The following EDC4 variants were observed in gnomAD, a reference collection of about 807,000 sequenced individuals.
The protein encoded by EDC4 is enhancer of mRNA decapping 4.
EDC4 carries 64 observed loss-of-function variants against 155.8 expected under a neutral mutation model. That is an observed-to-expected ratio of 0.41 (90% CI 0.34 to 0.51). The LOEUF (loss-of-function observed/expected upper bound fraction) is 0.51, where lower values mean the gene tolerates loss of function less well. Ranked by LOEUF, EDC4 falls within the 20% of genes least tolerant of loss-of-function variation. The probability of loss-of-function intolerance (pLI) is 0.19; values close to 1 mark genes in which losing one functional copy is unlikely to be tolerated. For missense variants in EDC4, 1,303 were observed against 1,812.5 expected (o/e 0.72, Z 5.10); for synonymous variants, 684 against 716.8 (o/e 0.95, Z 0.73).
Position 67,878,426 on chromosome 16 carries a change from T to A in EDC4, c.1071T>A (p.His357Gln), listed in dbSNP as rs1383413451. 1 of 1,614,128 alleles carries A rather than the reference T, an allele frequency of 6.2e-7. No homozygotes were observed. The highest frequency in any genetic ancestry group is 8.5e-7 in the Non-Finnish European group (1 of 1,179,996). The change falls in exon 9 of 29, where the codon CAT (histidine) becomes CAA (glutamine). Residue 357 changes from histidine to glutamine, a missense_variant. Around this residue, in one of 5 missense-constraint regions of EDC4, gnomAD observed 235 missense variants for 367.7 expected, o/e 0.64. Transcript: ENST00000358933. This position sits in a 1 kb window ranked among gnomAD's most constrained non-coding sequence, Gnocchi z 5.2. ...PLSCLLFCDNHKKQDPDVPFW... is the reference protein window; with the variant it reads ...PLSCLLFCDNQKKQDPDVPFW... The stretch of plus-strand genomic sequence containing the variant: ...CCTGCCTCCTGTTCTGTGACAACCA[T>A]AAGAAACAAGACCCTGAGTGAGTGA...
Position 67,877,058 on chromosome 16 carries a change from G to A in EDC4, c.451+86G>A, listed in dbSNP as rs772845803. 5.1e-6 allele frequency: 8 copies of A among 1,569,198 alleles called. No individual in the cohort carries two copies. Among genetic ancestry groups the A allele is most frequent in the East Asian group, 2.2e-5 (1 of 44,544 alleles). The stretch of plus-strand genomic sequence containing the variant: ...AACATCAGGCCACTCAGGCCTTAGG[G>A]GTACAATGGAAGGTTTGTCCATGCT... On this transcript the variant is annotated intron_variant, in intron 4 of 28. Transcript: ENST00000358933. This position sits in a 1 kb window ranked among gnomAD's most constrained non-coding sequence, Gnocchi z 4.9.
rs755423533 is a variant in EDC4 at position 67,878,337 on chromosome 16, G to A, written c.1005-23G>A. ...GTAGCCCACCCGACCACTCACTCAG[G>A]CCCCTCATCTGCCTACCTGCAGGTG... On this transcript the variant is annotated intron_variant, in intron 8 of 28. Coordinates refer to ENST00000358933, the MANE Select transcript of EDC4 (RefSeq NM_014329.5). The surrounding 1 kb of genome is among the most constrained non-coding windows in gnomAD (Gnocchi z 5.2). 3.1e-6 allele frequency: 5 copies of A among 1,614,202 alleles called. No individual in the cohort carries two copies. The South Asian group carries it at 5.5e-5, about 18-fold the overall frequency.
At position 67,880,501 on chromosome 16, in the gene EDC4, C is replaced by G. The variant is rs2058062334; in HGVS notation, c.2098-56C>G. ...TAATACTAATGCCTCGTCTCTGTGC[C>G]CCCCATCTCTGCCTCACTTCCTGTC... On this transcript the variant is annotated intron_variant, in intron 17 of 28. Coordinates refer to ENST00000358933, the MANE Select transcript of EDC4 (RefSeq NM_014329.5). This position sits in a 1 kb window ranked among gnomAD's most constrained non-coding sequence, Gnocchi z 5.2. The G allele has an allele frequency of 1.6e-5, 26 of 1,583,810 alleles. No homozygotes were observed. Among genetic ancestry groups the G allele is most frequent in the Non-Finnish European group, 2.2e-5 (26 of 1,161,254 alleles).
Position 67,882,145 on chromosome 16 carries a change from A to G in EDC4, c.3160+36A>G. On this transcript the variant is annotated intron_variant, in intron 23 of 28. Transcript: ENST00000358933. This position sits in a 1 kb window ranked among gnomAD's most constrained non-coding sequence, Gnocchi z 7.2. ...CATGCAGACTCCCTTTGGGTGGTTC[A>G]GGTGGGAGTGGGGTACCTGTCAAGC... 6.2e-7 allele frequency: 1 copy of G among 1,613,454 alleles called. No homozygotes were observed. The highest frequency in any genetic ancestry group is 8.5e-7 in the Non-Finnish European group (1 of 1,179,858).
Position 67,873,332 on chromosome 16 carries a change from G to C in EDC4, c.71G>C (p.Arg24Pro). 1 of 1,458,840 alleles carries C rather than the reference G, an allele frequency of 6.9e-7. No homozygotes were observed. Among genetic ancestry groups the C allele is most frequent in the Non-Finnish European group, 9.0e-7 (1 of 1,109,942 alleles). The allele number at this position is 1,458,840 out of a possible 1,614,324, so 90.4% of individuals were successfully genotyped here. Residue 24 changes from arginine (R) to proline (P), a missense_variant, in exon 1 of 29, where the codon CGG (arginine) becomes CCG (proline). Around this residue, in one of 5 missense-constraint regions of EDC4, gnomAD observed 99 missense variants for 121.3 expected, o/e 0.82. Transcript: ENST00000358933. ...QHLRDILKLD[R>P]PAGGPSAESP... is the part of the protein sequence containing the mutation. Reference sequence around the variant, plus strand: ...CTGCGGGACATCCTCAAGCTGGACCGGCCCGCGGGCGGTGAGCGGGGGTTG... The same window carrying C: ...CTGCGGGACATCCTCAAGCTGGACCCGCCCGCGGGCGGTGAGCGGGGGTTG...
In EDC4 at chr16:67,878,952, T is replaced by C. The variant is rs1858124471; in HGVS notation, c.1288-5T>C. On this transcript the variant is annotated splice_region_variant and splice_polypyrimidine_tract_variant and intron_variant, in intron 11 of 28. Transcript: ENST00000358933. This position sits in a 1 kb window ranked among gnomAD's most constrained non-coding sequence, Gnocchi z 5.2. ...AGCTCAGCTAGGAACGTTCTGCCTGTGCAGGTCCTCTATGTGATGGAGCTG... is the reference window on the plus strand; with the variant it reads ...AGCTCAGCTAGGAACGTTCTGCCTGCGCAGGTCCTCTATGTGATGGAGCTG... The C allele has an allele frequency of 6.2e-7, 1 of 1,610,428 alleles. No individual in the cohort carries two copies. Among genetic ancestry groups the C allele is most frequent in the Non-Finnish European group, 8.5e-7 (1 of 1,178,562 alleles).
rs1567391410 is a variant in EDC4 at position 67,881,453 on chromosome 16, C to T, written c.2789+36C>T. 4.3e-6 allele frequency: 7 copies of T among 1,614,000 alleles called. No homozygotes were observed. Among genetic ancestry groups the T allele is most frequent in the Non-Finnish European group, 5.9e-6 (7 of 1,179,994 alleles). On this transcript the variant is annotated intron_variant, in intron 20 of 28. Transcript: ENST00000358933. The surrounding 1 kb of genome is among the most constrained non-coding windows in gnomAD (Gnocchi z 5.4). ...ATCCTAGGGAGGGAGAGGGTGGTCTCTAGGCTGCCTCACATAGCCTGAGGT... is the reference window on the plus strand; with the variant it reads ...ATCCTAGGGAGGGAGAGGGTGGTCTTTAGGCTGCCTCACATAGCCTGAGGT...
At position 67,876,485 on chromosome 16, in the gene EDC4, C is replaced by G; in HGVS notation, c.240-3C>G. 1 of 1,613,816 alleles carries G rather than the reference C, an allele frequency of 6.2e-7. No homozygotes were observed. Among genetic ancestry groups the G allele is most frequent in the Non-Finnish European group, 8.5e-7 (1 of 1,179,896 alleles). ...GGCAAAGTTTTTGCACTCTTCCCCA[C>G]AGCTGTCTCTCAGGAGATGATAGCT... On this transcript the variant is annotated splice_region_variant and splice_polypyrimidine_tract_variant and intron_variant, in intron 2 of 28. Coordinates refer to ENST00000358933, the MANE Select transcript of EDC4 (RefSeq NM_014329.5). The surrounding 1 kb of genome is among the most constrained non-coding windows in gnomAD (Gnocchi z 5.8).
rs566481955 is a variant in EDC4, at chr16:67,883,908, C to T, written c.4014-48C>T. The T allele has an allele frequency of 1.6e-5, 25 of 1,549,306 alleles. No homozygotes were observed. The South Asian group carries it at 2.5e-4, about 16-fold the overall frequency. On this transcript the variant is annotated intron_variant, in intron 28 of 28. Coordinates refer to ENST00000358933, the MANE Select transcript of EDC4 (RefSeq NM_014329.5). This position sits in a 1 kb window ranked among gnomAD's most constrained non-coding sequence, Gnocchi z 5.3. ...CCTCGGTGCCACCAGGGGGCGCTCC[C>T]GTCTGCTGGCACCCACCTGTAGCCT...
Position 67,882,639 on chromosome 16 carries a change from T to C in EDC4, c.3443-40T>C. 2 of 1,614,212 alleles carry C rather than the reference T, an allele frequency of 1.2e-6. No homozygotes were observed. Among genetic ancestry groups the C allele is most frequent in the Non-Finnish European group, 1.7e-6 (2 of 1,180,038 alleles). On this transcript the variant is annotated intron_variant, in intron 25 of 28. Coordinates refer to ENST00000358933, the MANE Select transcript of EDC4 (RefSeq NM_014329.5). This position sits in a 1 kb window ranked among gnomAD's most constrained non-coding sequence, Gnocchi z 7.2. Reference sequence around the variant, plus strand: ...CCAAGGTGGGAGGGGTTATCCTCTTTCCTACTGTTCCTCTTATAGTCCCTG... The same window carrying C: ...CCAAGGTGGGAGGGGTTATCCTCTTCCCTACTGTTCCTCTTATAGTCCCTG...
At position 67,881,005 on chromosome 16, in the gene EDC4, A is replaced by G; in HGVS notation, c.2531+15A>G. The G allele has an allele frequency of 6.2e-7, 1 of 1,613,486 alleles. No homozygotes were observed. The highest frequency in any genetic ancestry group is 8.5e-7 in the Non-Finnish European group (1 of 1,179,698). ...CTGGCAGAAAGGTGAGGAGCTTGGG[A>G]GGGGAAAAGTGTGCTAGCAGGAGGG... On this transcript the variant is annotated intron_variant, in intron 18 of 28. Transcript: ENST00000358933. This position sits in a 1 kb window ranked among gnomAD's most constrained non-coding sequence, Gnocchi z 5.4.
rs758441221 is a variant in EDC4 at position 67,882,607 on chromosome 16, A to G, written c.3442+13A>G. The G allele has an allele frequency of 1.9e-6, 3 of 1,614,220 alleles. No homozygotes were observed. Among genetic ancestry groups the G allele is most frequent in the South Asian group, 1.1e-5 (1 of 91,088 alleles). On this transcript the variant is annotated intron_variant, in intron 25 of 28. Transcript: ENST00000358933. The surrounding 1 kb of genome is among the most constrained non-coding windows in gnomAD (Gnocchi z 7.2). ...GGGACACAGGAATGTGAGTGGGGTCATATGGCCCAAGGTGGGAGGGGTTAT... is the reference window on the plus strand; with the variant it reads ...GGGACACAGGAATGTGAGTGGGGTCGTATGGCCCAAGGTGGGAGGGGTTAT...
Position 67,876,699 on chromosome 16 carries a change from C to G in EDC4, c.351+100C>G. 6.4e-7 allele frequency: 1 copy of G among 1,561,024 alleles called. No individual in the cohort carries two copies. The highest frequency in any genetic ancestry group is 8.7e-7 in the Non-Finnish European group (1 of 1,150,788). ...AGTTCCTATGGGGACCACCTTGACACTTTCCCAGTTTCAGGAAGCCAGGGC... is the reference window on the plus strand; with the variant it reads ...AGTTCCTATGGGGACCACCTTGACAGTTTCCCAGTTTCAGGAAGCCAGGGC... On this transcript the variant is annotated intron_variant, in intron 3 of 28. Transcript: ENST00000358933. The surrounding 1 kb of genome is among the most constrained non-coding windows in gnomAD (Gnocchi z 5.8).
In EDC4 at chr16:67,879,642, C is replaced by A; in HGVS notation, c.1689C>A (p.His563Gln). Reference protein sequence around the residue: ...LGSEGLGSAAHGSQPDLRRIV... With the variant: ...LGSEGLGSAAQGSQPDLRRIV... ...CTGAGGGCCTGGGGTCAGCCGCTCACGGCTCCCAGCCTGACCTCCGACGAA... is the reference window on the plus strand; with the variant it reads ...CTGAGGGCCTGGGGTCAGCCGCTCAAGGCTCCCAGCCTGACCTCCGACGAA... The change falls in exon 15 of 29, where the codon CAC becomes CAA. Residue 563 changes from histidine (H) to glutamine (Q), a missense_variant. Around this residue, in one of 5 missense-constraint regions of EDC4, gnomAD observed 391 missense variants for 445.4 expected, o/e 0.88. Transcript: ENST00000358933. The surrounding 1 kb of genome is among the most constrained non-coding windows in gnomAD (Gnocchi z 6.0). The A allele has an allele frequency of 6.2e-7, 1 of 1,614,176 alleles. No homozygotes were observed. The highest frequency in any genetic ancestry group is 8.5e-7 in the Non-Finnish European group (1 of 1,180,026).
Position 67,879,130 on chromosome 16 carries a change from G to T in EDC4, c.1461G>T (p.Leu487=), listed in dbSNP as rs1450847285. The change falls in exon 12 of 29, where the codon CTG becomes CTT. Residue 487 remains leucine, a synonymous_variant. Transcript: ENST00000358933. This position sits in a 1 kb window ranked among gnomAD's most constrained non-coding sequence, Gnocchi z 6.0. ...VLPAEEENDS[L]GADGTHGAGA... Reference sequence around the variant, plus strand: ...CTGCCGAAGAGGAAAATGACAGCCTGGGTGCTGGTGAGCTGCCTCAGGGTC... The same window carrying T: ...CTGCCGAAGAGGAAAATGACAGCCTTGGTGCTGGTGAGCTGCCTCAGGGTC... 6.2e-7 allele frequency: 1 copy of T among 1,613,760 alleles called. No individual in the cohort carries two copies. The highest frequency in any genetic ancestry group is 8.5e-7 in the Non-Finnish European group (1 of 1,179,676).
In EDC4 at chr16:67,879,882, TAGC is replaced by T. The variant is rs747465973; in HGVS notation, c.1872_1874del (p.Ser629del). ...CCTCTCCCAGCAGCAGCAGCAGCGG[TAGC>T]AGCAGCAGCAGCAGCAGTAGCAGCA... On this transcript the variant is annotated inframe_deletion, in exon 16 of 29. Transcript: ENST00000358933. The surrounding 1 kb of genome is among the most constrained non-coding windows in gnomAD (Gnocchi z 6.0). 1.3e-4 allele frequency: 216 copies of T among 1,604,946 alleles called. 1 individual carries two copies. Among genetic ancestry groups the T allele is most frequent in the South Asian group, 7.5e-4 (68 of 90,282 alleles).
chr16:67,884,095 G>A lies in EDC4; in HGVS notation c.4153G>A (p.Ala1385Thr). The A allele has an allele frequency of 6.2e-7, 1 of 1,614,060 alleles. No individual in the cohort carries two copies. The highest frequency in any genetic ancestry group is 8.5e-7 in the Non-Finnish European group (1 of 1,179,980). ...GCCACACAACTCACTTGGCAAAGCAGCTCGGCGTCTCAGCCTCATGCTGCA... is the reference window on the plus strand; with the variant it reads ...GCCACACAACTCACTTGGCAAAGCAACTCGGCGTCTCAGCCTCATGCTGCA... ...AEPHNSLGKA[A>T]RRLSLMLHGL... The change falls in exon 29 of 29, where the codon GCT becomes ACT. Residue 1385 changes from alanine to threonine, a missense_variant. Ala to Thr is a moderately conservative substitution (Grantham distance 58). Around this residue, in one of 5 missense-constraint regions of EDC4, gnomAD observed 527 missense variants for 757.0 expected, o/e 0.70. Coordinates refer to ENST00000358933, the MANE Select transcript of EDC4 (RefSeq NM_014329.5). This position sits in a 1 kb window ranked among gnomAD's most constrained non-coding sequence, Gnocchi z 4.1.
chr16:67,876,917 C>G lies in EDC4; in HGVS notation c.396C>G (p.Tyr132Ter). 1 of 1,614,264 alleles carries G rather than the reference C, an allele frequency of 6.2e-7. No individual in the cohort carries two copies. Among genetic ancestry groups the G allele is most frequent in the Non-Finnish European group, 8.5e-7 (1 of 1,180,042 alleles). Residue 132 changes from tyrosine to a stop codon, truncating the protein, a stop_gained, in exon 4 of 29, where the codon TAC (tyrosine) becomes TAG (stop). Transcript: ENST00000358933. LOFTEE classifies it high-confidence loss of function. This position sits in a 1 kb window ranked among gnomAD's most constrained non-coding sequence, Gnocchi z 5.8. ...PVAKYDWEQK[Y>*]YYGNLIAVSN... ...CCAAGTATGACTGGGAACAGAAGTA[C>G]TACTATGGCAACCTGATTGCTGTGT...
chr16:67,881,761 C>G lies in EDC4; in HGVS notation c.2920C>G (p.Arg974Gly). The G allele has an allele frequency of 6.2e-7, 1 of 1,614,130 alleles. No homozygotes were observed. The highest frequency in any genetic ancestry group is 8.5e-7 in the Non-Finnish European group (1 of 1,180,012). ...GCACAGCCAGGAAGAGCTGCTGCAG[C>G]GTCTGTGTACCCAACTCGAAGGCCT... ...LRHSQEELLQ[R>G]LCTQLEGLQS... Residue 974 changes from arginine to glycine, a missense_variant, in exon 22 of 29, where the codon CGT becomes GGT. Arg to Gly is a moderately radical substitution (Grantham distance 125). This residue lies in a region of EDC4 where 527 missense variants were observed against 757.0 expected (regional missense o/e 0.70). Transcript: ENST00000358933. This position sits in a 1 kb window ranked among gnomAD's most constrained non-coding sequence, Gnocchi z 5.4.
Sources: gnomAD v4.1 joint callset for allele counts on GRCh38, gnomAD v4.1.1 for gene constraint, gnomAD v4.1.1 regional missense constraint, Gnocchi (gnomAD v3.1) non-coding constraint, MANE v1.5 for transcripts, NCBI Gene and HGNC (gene_info 2026-07-23, HGNC 2026-07-21) for gene names.